TTC7B: variants seen among roughly 807,000 people sequenced by gnomAD.
TTC7B encodes tetratricopeptide repeat domain 7B.
Under a neutral mutation model 106.8 loss-of-function variants are expected in TTC7B, and 28 were observed. That is an observed-to-expected ratio of 0.26 (90% CI 0.19 to 0.36). The LOEUF (loss-of-function observed/expected upper bound fraction) is 0.36, where lower values mean the gene tolerates loss of function less well. Among genes scored for constraint, TTC7B ranks in the 10% least tolerant of loss-of-function variants. The pLI is 1.00. For missense variants in TTC7B, 862 were observed against 1,076.4 expected (o/e 0.80, Z 2.79); for synonymous variants, 405 against 430.6 (o/e 0.94, Z 0.74).
At chr14:90,688,989 C>A (rs978053416) in intron 7 of TTC7B, among the ~76,000 whole-genome samples, 1 of 152,050 alleles carries the variant, frequency 6.6e-6, no homozygotes, top group Non-Finnish European at 1.5e-5. Flanking sequence ...TATAGTGATT[C>A]TCTGGCCCAT....
chr14:90,608,651 C>T lies in TTC7B; in HGVS notation c.1966+2091G>A, dbSNP rs902548354. The stretch of plus-strand genomic sequence containing the variant: ...CAGGCCCAACCCAGGGCAGTGACAC[C>T]GCAGACTGTGTCACACAGGCACATC... On this transcript the variant is annotated intron_variant, in intron 17 of 19. Coordinates refer to ENST00000328459, the MANE Select transcript of TTC7B (RefSeq NM_001010854.2). This position sits in a 1 kb window ranked among gnomAD's most constrained non-coding sequence, Gnocchi z 5.1. Among the ~76,000 whole-genome samples the T allele has an allele frequency of 1.3e-5, 2 of 152,108 alleles. No homozygotes were observed. Among genetic ancestry groups the T allele is most frequent in the Non-Finnish European group, 1.5e-5 (1 of 68,032 alleles).
chr14:90,784,679 C>G (rs867482796), intron 2 of TTC7B, among the ~76,000 whole-genome samples: 14 of 152,110 alleles, frequency 9.2e-5, no homozygotes, highest in African/African-American at 3.1e-4. Flanking sequence ...ATGGCCCTTA[C>G]AGAGAAACTG....
At chr14:90,597,064 C>T (rs764075122) in intron 17 of TTC7B, among the ~76,000 whole-genome samples, 13 of 152,082 alleles carry the variant, frequency 8.5e-5, no homozygotes, top group South Asian at 2.1e-4. Context: ...TTTCCCCTAA[C>T]GTAAAATTAA....
At position 90,527,560 on chromosome 14, in the gene TTC7B, C is replaced by CA. The variant is rs1555372076; in HGVS notation, c.*13807_*13808insT. The CA allele has an allele frequency of 2.2e-5, 3 of 139,278 alleles. No homozygotes were observed. The highest frequency in any genetic ancestry group is 4.7e-5 in the Non-Finnish European group (3 of 64,024). 8.6% of individuals were successfully genotyped at this position (139,278 alleles called of 1,614,324 possible). A position where few individuals can be genotyped will look rare whatever the true frequency, so the allele number is the denominator to read the frequency against. Reference sequence around the variant, plus strand: ...GAGATCCAGAGGGAGATGTGACTCACTTTTTTTTTTTTTTTTTGAGATGGA... The same window carrying CA: ...GAGATCCAGAGGGAGATGTGACTCACATTTTTTTTTTTTTTTTTGAGATGGA... On this transcript the variant is annotated 3_prime_UTR_variant, in exon 20 of 20. Transcript: ENST00000328459.
At chr14:90,611,821 A>G (rs1001082827) in intron 16 of TTC7B, among the ~76,000 whole-genome samples, 2 of 152,212 alleles carry the variant, frequency 1.3e-5, no homozygotes, top group Non-Finnish European at 2.9e-5. Flanking sequence ...TCGTAGGTAA[A>G]CACTATTGCT....
At chr14:90,646,788 CAA>C (rs1885475032) in intron 14 of TTC7B, 161 bp downstream of exon 14, 1 of 666,022 alleles carries the variant, frequency 1.5e-6, no homozygotes, top group Admixed American at 2.6e-5. Flanking sequence ...TCAAACCAAC[CAA>C]AACACCAGGC....
At chr14:90,702,521 T>C (rs1173915629) in intron 5 of TTC7B, among the ~76,000 whole-genome samples, 1 of 152,080 alleles carries the variant, frequency 6.6e-6, no homozygotes, top group African/African-American at 2.4e-5. Flanking sequence ...CAAAACTCTA[T>C]CATTGTTTTA....
chr14:90,605,413 G>A (rs1457456788), intron 17 of TTC7B, among the ~76,000 whole-genome samples: 1 of 152,192 alleles, frequency 6.6e-6, no homozygotes, highest in Non-Finnish European at 1.5e-5. Flanking sequence ...TGAGGCATGG[G>A]CTCCAATGCC....
intron 19 of TTC7B, among the ~76,000 whole-genome samples, chr14:90,566,195 T>C (rs1022479831): frequency 2.6e-5 from 4 of 151,856 alleles, no homozygotes; most frequent in Non-Finnish European, 5.9e-5. Flanking sequence ...CTACTAAAAA[T>C]ACAAAAACTA....
At chr14:90,791,056 C>T (rs960908139) in intron 1 of TTC7B, among the ~76,000 whole-genome samples, 3 of 152,110 alleles carry the variant, frequency 2.0e-5, no homozygotes, top group Non-Finnish European at 2.9e-5. Flanking sequence ...GACTCAGCAC[C>T]CCCACCACAG....
chr14:90,745,740 T>C (rs1173869909), intron 3 of TTC7B, among the ~76,000 whole-genome samples: 1 of 151,582 alleles, frequency 6.6e-6, no homozygotes, highest in Non-Finnish European at 1.5e-5. Context: ...AGTCTCGCTC[T>C]GTCACCCAGG....
intron 3 of TTC7B, among the ~76,000 whole-genome samples, chr14:90,778,521 C>A (rs548539954): frequency 6.6e-6 from 1 of 152,332 alleles, no homozygotes; most frequent in African/African-American, 2.4e-5. Flanking sequence ...ACTCACCAGC[C>A]CCAGGGCAGT....
Position 90,655,004 on chromosome 14 carries a change from T to C in TTC7B, c.1448A>G (p.Gln483Arg). 1 of 1,613,646 alleles carries C rather than the reference T, an allele frequency of 6.2e-7. No individual in the cohort carries two copies. Among genetic ancestry groups the C allele is most frequent in the Non-Finnish European group, 8.5e-7 (1 of 1,179,500 alleles). Residue 483 changes from glutamine to arginine, a missense_variant, in exon 12 of 20, where the codon CAG becomes CGG. By Grantham distance (43) the Gln-to-Arg change is conservative (BLOSUM62 1). Transcript: ENST00000328459. ...GGGACGTCTCTCACCGTCAGTGGCC[T>C]GCAGACTGTACGTGAGCCCCAGAGC... ...YLALGLTYSL[Q>R]ATDASLRGMQ...
intron 19 of TTC7B, among the ~76,000 whole-genome samples, chr14:90,566,345 CAA>C (rs899248713): frequency 3.7e-5 from 5 of 134,464 alleles, no homozygotes; most frequent in Non-Finnish European, 3.2e-5. Context: ...ACTCTATCTC[CAA>C]AAAAAAAAAA....
intron 3 of TTC7B, among the ~76,000 whole-genome samples, chr14:90,763,209 G>A (rs1195114375): frequency 6.6e-6 from 1 of 152,104 alleles, no homozygotes; most frequent in Non-Finnish European, 1.5e-5. Context: ...ATTTAATTCA[G>A]GAATGCAAGG....
chr14:90,706,638 T>A (rs899547989), intron 5 of TTC7B, among the ~76,000 whole-genome samples: 1 of 152,232 alleles, frequency 6.6e-6, no homozygotes, highest in Admixed American at 6.5e-5. Flanking sequence ...CTTCTTGAAA[T>A]TCAAACTATC....
Position 90,600,771 on chromosome 14 carries a change from G to A in TTC7B, c.1967-7145C>T, listed in dbSNP as rs1004865647. 2.6e-5 allele frequency among the ~76,000 whole-genome samples: 4 copies of A among 152,208 alleles called. No homozygotes were observed. In the South Asian group the frequency reaches 6.2e-4, roughly 24 times the overall value. Reference sequence around the variant, plus strand: ...AAGCATGGAGGGAAGCCGTTCACACGCATGCAGGAAGGTGCCAGCTGTCAG... The same window carrying A: ...AAGCATGGAGGGAAGCCGTTCACACACATGCAGGAAGGTGCCAGCTGTCAG... On this transcript the variant is annotated intron_variant, in intron 17 of 19. Transcript: ENST00000328459. The surrounding 1 kb of genome is among the most constrained non-coding windows in gnomAD (Gnocchi z 4.3).
At chr14:90,648,450 C>G (rs944320233) in intron 13 of TTC7B, 2 of 152,478 alleles carry the variant, frequency 1.3e-5, no homozygotes, top group African/African-American at 4.8e-5. Context: ...TCCCAGGGCC[C>G]AAGCGATCCT....
intron 1 of TTC7B, among the ~76,000 whole-genome samples, chr14:90,789,132 G>A (rs947562589): frequency 4.6e-5 from 7 of 151,782 alleles, no homozygotes; most frequent in African/African-American, 1.2e-4. Context: ...ACAGAGTTTC[G>A]CTCTTGTCGC....
Sources: allele counts gnomAD v4.1 joint callset (sites outside exome capture counted in the v4.1 genomes callset), GRCh38; gene constraint gnomAD v4.1.1; non-coding constraint Gnocchi (gnomAD v3.1); transcripts MANE v1.5; gene names NCBI Gene and HGNC (gene_info 2026-07-23, HGNC 2026-07-21).